The following PLAC9 variants were observed in gnomAD, a reference collection of about 807,000 sequenced individuals.
PLAC9 encodes the protein placenta associated 9.
Under a neutral mutation model 11.5 loss-of-function variants are expected in PLAC9, and 12 were observed. The ratio of observed to expected loss-of-function variants is 1.05; its 90% CI spans 0.67 to 1.69. The LOEUF is 1.69. PLAC9 is among the 40% of genes most tolerant of loss of function. The pLI is 0.00. For synonymous variants in PLAC9, 62 were observed against 58.1 expected (o/e 1.07, Z -0.31); for missense variants, 132 against 130.5 (o/e 1.01, Z -0.06).
At chr10:80,144,061 CAGGT>C in intron 2 of PLAC9, 158 bp from the exon 3 acceptor site, 2 of 885,778 alleles carry the variant, frequency 2.3e-6, no homozygotes, top group Non-Finnish European at 3.6e-6. Flanking sequence ...GAAACTGAGG[CAGGT>C]AGGGGCAGAG....
chr10:80,141,029 T>C (rs1845034589), intron 1 of PLAC9, among the ~76,000 whole-genome samples: 1 of 152,100 alleles, frequency 6.6e-6, no homozygotes, highest in Admixed American at 6.6e-5. Context: ...CAACAGGTTG[T>C]TGGAGAGGTT....
At chr10:80,138,292 G>T (rs1845001680) in intron 1 of PLAC9, among the ~76,000 whole-genome samples, 1 of 152,080 alleles carries the variant, frequency 6.6e-6, no homozygotes, top group South Asian at 2.1e-4. Context: ...TACTTTGGAA[G>T]TAAATCCAAG....
chr10:80,135,922 T>C (rs1280090306), intron 1 of PLAC9, among the ~76,000 whole-genome samples: 1 of 152,042 alleles, frequency 6.6e-6, no homozygotes, highest in African/African-American at 2.4e-5. Flanking sequence ...CAAAGCAGAG[T>C]GTGACTTTGA....
chr10:80,140,262 G>A (rs1845024001), intron 1 of PLAC9, among the ~76,000 whole-genome samples: 2 of 151,506 alleles, frequency 1.3e-5, no homozygotes, highest in Admixed American at 6.6e-5. Flanking sequence ...TAGACCTTGC[G>A]ATCCAATCTC....
chr10:80,142,461 A>G (rs1328990136), intron 2 of PLAC9, among the ~76,000 whole-genome samples: 1 of 152,170 alleles, frequency 6.6e-6, no homozygotes, highest in Non-Finnish European at 1.5e-5. Flanking sequence ...TATAGCCACG[A>G]TTCCTAACTT....
chr10:80,131,843 G>A (rs1369842228), upstream of PLAC9: 2 of 152,264 alleles, frequency 1.3e-5, no homozygotes, highest in African/African-American at 4.8e-5. Context: ...TAATCCCAAC[G>A]GGGACCCTTG....
At chr10:80,139,122 T>C (rs376224835) in intron 1 of PLAC9, among the ~76,000 whole-genome samples, 1 of 151,968 alleles carries the variant, frequency 6.6e-6, no homozygotes, top group East Asian at 1.9e-4. Context: ...CGGCTAATTT[T>C]TTTGTATTTT....
intron 1 of PLAC9, among the ~76,000 whole-genome samples, chr10:80,134,798 T>C (rs1243968756): frequency 1.3e-5 from 2 of 151,828 alleles, no homozygotes; most frequent in Non-Finnish European, 2.9e-5. Context: ...AATATGTCTG[T>C]TAGATCTCTT....
At chr10:80,135,976 A>G (rs1844970867) in intron 1 of PLAC9, among the ~76,000 whole-genome samples, 1 of 152,188 alleles carries the variant, frequency 6.6e-6, no homozygotes, top group Non-Finnish European at 1.5e-5. Flanking sequence ...CCACTGAGAA[A>G]ACATTTCTCA....
chr10:80,134,841 CTTAA>C (rs71482764), intron 1 of PLAC9, among the ~76,000 whole-genome samples: 77,576 of 151,482 alleles, frequency 0.51, 20,883 homozygotes, highest in Non-Finnish European at 0.6. Flanking sequence ...CCTTTTTTTA[CTTAA>C]TTTTTTGTTT....
intron 1 of PLAC9, among the ~76,000 whole-genome samples, chr10:80,134,265 CTTT>C (rs559784722): frequency 0.025 from 3,380 of 134,608 alleles, 44 homozygotes; most frequent in Non-Finnish European, 0.041. Flanking sequence ...TTCTTTCTTT[CTTT>C]TTTTTTTTTT....
intron 1 of PLAC9, among the ~76,000 whole-genome samples, chr10:80,140,394 TG>T (rs1215885310): frequency 1.3e-5 from 2 of 152,176 alleles, no homozygotes; most frequent in African/African-American, 4.8e-5. Context: ...CTAAAAGTGC[TG>T]GGGTGAAATT....
At chr10:80,144,779 T>C in intron 3 of PLAC9, 121 bp from the exon 4 acceptor site, 1 of 1,002,996 alleles carries the variant, frequency 1.0e-6, no homozygotes, top group South Asian at 1.7e-5. Context: ...TTGATCCTTG[T>C]GTCCCGCGCG....
intron 1 of PLAC9, among the ~76,000 whole-genome samples, chr10:80,140,480 G>C (rs34978962): frequency 0.034 from 5,194 of 152,186 alleles, 83 homozygotes; most frequent in African/African-American, 0.041. Context: ...CCCTGCTGAC[G>C]CTTTTCATCC....
chr10:80,142,942 C>T (rs956346646), intron 2 of PLAC9, among the ~76,000 whole-genome samples: 1 of 152,118 alleles, frequency 6.6e-6, no homozygotes, highest in African/African-American at 2.4e-5. Context: ...AGGCTGGTCT[C>T]GAACTCCTGA....
chr10:80,143,677 G>A (rs1250610210), intron 2 of PLAC9, among the ~76,000 whole-genome samples: 13 of 152,104 alleles, frequency 8.5e-5, no homozygotes, highest in African/African-American at 2.2e-4. Context: ...GATTACAGGC[G>A]TGAGCCACCA....
At chr10:80,134,710 G>A (rs979504801) in intron 1 of PLAC9, among the ~76,000 whole-genome samples, 3 of 152,096 alleles carry the variant, frequency 2.0e-5, no homozygotes, top group Non-Finnish European at 2.9e-5. Context: ...CTGTTCAAAT[G>A]TCCTTGATTG....
upstream of PLAC9, chr10:80,132,666 G>T: frequency 9.5e-7 from 1 of 1,047,472 alleles, no homozygotes; most frequent in Admixed American, 3.8e-5. Context: ...AGGAATTTTG[G>T]CTCGAACTGA....
At chr10:80,143,975 T>G (rs1383164124) in intron 2 of PLAC9, 1 of 520,428 alleles carries the variant, frequency 1.9e-6, no homozygotes, top group Non-Finnish European at 3.4e-6. Flanking sequence ...TACAGGCGCT[T>G]CATCCAAATC....
Sources: allele counts gnomAD v4.1 joint callset (sites outside exome capture counted in the v4.1 genomes callset), GRCh38; gene constraint gnomAD v4.1.1; transcripts MANE v1.5; gene names NCBI Gene and HGNC (gene_info 2026-07-23, HGNC 2026-07-21).